The following OPCML variants were observed in gnomAD, a reference collection of about 807,000 sequenced individuals.
OPCML encodes opioid-binding protein/cell adhesion molecule.
OPCML carries 13 observed loss-of-function variants against 37.8 expected under a neutral mutation model. That is an observed-to-expected ratio of 0.34 (90% CI 0.22 to 0.55). The LOEUF is 0.55. Ranked by LOEUF, OPCML falls within the 20% of genes least tolerant of loss-of-function variation. The probability of loss-of-function intolerance (pLI) is 0.91; values close to 1 mark genes in which losing one functional copy is unlikely to be tolerated. For missense variants in OPCML, 341 were observed against 435.6 expected, an observed-to-expected ratio of 0.78 and a Z score of 1.93; for synonymous variants, 176 against 168.8, an observed-to-expected ratio of 1.04 and a Z score of -0.33.
intron 2 of OPCML, among the ~76,000 whole-genome samples, chr11:132,885,076 A>G (rs1476326352): frequency 6.6e-6 from 1 of 152,212 alleles, no homozygotes; most frequent in African/African-American, 2.4e-5. Context: ...CTCTTCCACC[A>G]TAACAATTAA....
At chr11:133,484,570 A>G (rs1947488487) in intron 1 of OPCML, among the ~76,000 whole-genome samples, 1 of 152,178 alleles carries the variant, frequency 6.6e-6, no homozygotes, top group Non-Finnish European at 1.5e-5. Flanking sequence ...CAGATAGTAA[A>G]AACCACAGGA....
At chr11:133,264,651 A>G (rs1221257255) in intron 1 of OPCML, among the ~76,000 whole-genome samples, 1 of 152,194 alleles carries the variant, frequency 6.6e-6, no homozygotes, top group Non-Finnish European at 1.5e-5. Context: ...TTATAAGAGC[A>G]CTTAGAAGCA....
intron 1 of OPCML, among the ~76,000 whole-genome samples, chr11:133,411,327 A>T (rs1945646773): frequency 6.6e-6 from 1 of 152,158 alleles, no homozygotes; most frequent in Non-Finnish European, 1.5e-5. Context: ...TCCACATCTG[A>T]GTTTTTGGAG....
intron 3 of OPCML, among the ~76,000 whole-genome samples, chr11:132,586,938 C>A (rs1402910464): frequency 6.6e-6 from 1 of 152,194 alleles, no homozygotes; most frequent in East Asian, 1.9e-4. Context: ...GAGCCCTCTG[C>A]AGGCTCTGGA....
chr11:132,880,846 C>A (rs1943198852), intron 2 of OPCML, among the ~76,000 whole-genome samples: 1 of 152,098 alleles, frequency 6.6e-6, no homozygotes, highest in African/African-American at 2.4e-5. Flanking sequence ...GAAACTGATC[C>A]CCACGCAGGG....
In OPCML at chr11:133,049,936, C is replaced by T. The variant is rs575545736; in HGVS notation, c.62-106926G>A. On this transcript the variant is annotated intron_variant, in intron 1 of 7. Transcript: ENST00000524381. ...CTCTTCTCTCAGTTATTCAGCCAAA[C>T]GCTGATCTAGGTGCTCCTGTACAAG... Among the ~76,000 whole-genome samples, 26 of 152,356 alleles carry T rather than the reference C, an allele frequency of 1.7e-4. No individual in the cohort carries two copies. In the South Asian group the frequency reaches 3.5e-3, roughly 21 times the overall value.
At chr11:132,607,641 T>C (rs1008675851) in intron 3 of OPCML, among the ~76,000 whole-genome samples, 9 of 152,244 alleles carry the variant, frequency 5.9e-5, no homozygotes, top group Non-Finnish European at 2.9e-5. Flanking sequence ...GGCATGGTTC[T>C]AGAGTCAGAC....
intron 1 of OPCML, among the ~76,000 whole-genome samples, chr11:133,217,151 G>A (rs1399057883): frequency 2.6e-5 from 4 of 152,104 alleles, no homozygotes; most frequent in African/African-American, 4.8e-5. Context: ...ACCTCCAGGT[G>A]AGCAGCCCAC....
Position 132,937,593 on chromosome 11 carries a change from G to GGGGT in OPCML, c.146+5329_146+5332dup, listed in dbSNP as rs1555056047. On this transcript the variant is annotated intron_variant, in intron 2 of 7. Transcript: ENST00000524381. ...TGTGTGTGGTGTGTGTGGCGTGTGT[G>GGGGT]GGGTGTGTGTGTGTGTGTGTGTGTG... Among the ~76,000 whole-genome samples, 63 of 76,646 alleles carry GGGGT rather than the reference G, an allele frequency of 8.2e-4. 1 individual carries two copies. Among genetic ancestry groups the GGGGT allele is most frequent in the East Asian group, 2.8e-3 (5 of 1,768 alleles). The allele number at this position is 76,646 out of a possible 152,430, so 50.3% of individuals were successfully genotyped here.
At chr11:133,430,852 C>T (rs1164511424) in intron 1 of OPCML, among the ~76,000 whole-genome samples, 4 of 152,204 alleles carry the variant, frequency 2.6e-5, no homozygotes, top group African/African-American at 9.6e-5. Context: ...AAGTTGTCAA[C>T]CTCTAAAATT....
intron 2 of OPCML, among the ~76,000 whole-genome samples, chr11:132,851,713 G>T (rs910590124): frequency 5.9e-5 from 9 of 152,046 alleles, no homozygotes; most frequent in African/African-American, 9.7e-5. Context: ...CTATATGTGG[G>T]TACTATGATT....
chr11:133,017,670 T>C (rs1020834624), intron 1 of OPCML, among the ~76,000 whole-genome samples: 3 of 152,200 alleles, frequency 2.0e-5, no homozygotes, highest in African/African-American at 7.2e-5. Context: ...ATTACAGGCA[T>C]GAGCCACTGC....
In OPCML at chr11:132,726,554, T is replaced by G. The variant is rs1216816718; in HGVS notation, c.147-69235A>C. ...CCTCATAATAATGAGGTTACAGTTTTGAAGACTTAGTCTAAGTTTGTAGCT... is the reference window on the plus strand; with the variant it reads ...CCTCATAATAATGAGGTTACAGTTTGGAAGACTTAGTCTAAGTTTGTAGCT... On this transcript the variant is annotated intron_variant, in intron 2 of 7. Transcript: ENST00000524381. 2.6e-5 allele frequency among the ~76,000 whole-genome samples: 4 copies of G among 152,106 alleles called. No individual in the cohort carries two copies. In the South Asian group the frequency reaches 8.3e-4, roughly 32 times the overall value.
chr11:133,088,217 C>T (rs1029816757), intron 1 of OPCML, among the ~76,000 whole-genome samples: 1 of 126,308 alleles, frequency 7.9e-6, no homozygotes, highest in African/African-American at 3.2e-5. Flanking sequence ...ATGGGAGAAC[C>T]ACGGCTTTGC....
chr11:133,191,536 T>TGTGTGA (rs1213488684), intron 1 of OPCML, among the ~76,000 whole-genome samples: 4 of 151,006 alleles, frequency 2.6e-5, no homozygotes, highest in Non-Finnish European at 5.9e-5. Context: ...TGTGTGTGTG[T>TGTGTGA]GACGGAGTTT....
intron 2 of OPCML, among the ~76,000 whole-genome samples, chr11:132,810,233 C>A (rs1222280463): frequency 1.3e-5 from 2 of 152,180 alleles, no homozygotes; most frequent in East Asian, 3.9e-4. Context: ...ACCATGGAAT[C>A]GTGGACATGA....
rs1937633727 is a variant in OPCML at position 133,177,887 on chromosome 11, G to A, written c.62-234877C>T. ...AGGAAGAAAGAGAGGAAAGGAGGCTGACCCAGTGGGCCATCTGGCCTCTTT... is the reference window on the plus strand; with the variant it reads ...AGGAAGAAAGAGAGGAAAGGAGGCTAACCCAGTGGGCCATCTGGCCTCTTT... On this transcript the variant is annotated intron_variant, in intron 1 of 7. Coordinates refer to ENST00000524381, the MANE Select transcript of OPCML (RefSeq NM_001012393.5). This position sits in a 1 kb window ranked among gnomAD's most constrained non-coding sequence, Gnocchi z 5.0. Among the ~76,000 whole-genome samples, 1 of 152,216 alleles carries A rather than the reference G, an allele frequency of 6.6e-6. No homozygotes were observed. Among genetic ancestry groups the A allele is most frequent in the Non-Finnish European group, 1.5e-5 (1 of 68,044 alleles).
chr11:133,206,248 C>T lies in OPCML; in HGVS notation c.62-263238G>A, dbSNP rs916464811. 6.6e-6 allele frequency among the ~76,000 whole-genome samples: 1 copy of T among 152,148 alleles called. No individual in the cohort carries two copies. The highest frequency in any genetic ancestry group is 2.4e-5 in the African/African-American group (1 of 41,422). The stretch of plus-strand genomic sequence containing the variant: ...AGCAGTACATTAAAGATCAGCAGTA[C>T]ATTAAGATCAGCGTGATTAAAGACA... On this transcript the variant is annotated intron_variant, in intron 1 of 7. Coordinates refer to ENST00000524381, the MANE Select transcript of OPCML (RefSeq NM_001012393.5). This position sits in a 1 kb window ranked among gnomAD's most constrained non-coding sequence, Gnocchi z 4.7.
At chr11:132,760,461 G>A (rs967983976) in intron 2 of OPCML, among the ~76,000 whole-genome samples, 3 of 151,936 alleles carry the variant, frequency 2.0e-5, no homozygotes, top group African/African-American at 7.3e-5. Flanking sequence ...CTAAGAACTT[G>A]CTTTATTAAT....
Sources: allele counts gnomAD v4.1 joint callset (sites outside exome capture counted in the v4.1 genomes callset), GRCh38; gene constraint gnomAD v4.1.1; non-coding constraint Gnocchi (gnomAD v3.1); transcripts MANE v1.5; gene names NCBI Gene and HGNC (gene_info 2026-07-23, HGNC 2026-07-21).